Variants in EVC2 observed in about 807,000 individuals in gnomAD.
EVC2 encodes EvC ciliary complex subunit 2.
In EVC2, 148 loss-of-function variants were observed where a neutral mutation model predicts 149.3. That is an observed-to-expected ratio of 0.99 (90% CI 0.87 to 1.14). The LOEUF (loss-of-function observed/expected upper bound fraction) is 1.14. Ranked by LOEUF, EVC2 falls within the 50% of genes most tolerant of loss-of-function variation. The pLI is 0.00. For missense variants in EVC2, 1,854 were observed against 1,627.3 expected, an observed-to-expected ratio of 1.14 and a Z score of -2.40; for synonymous variants, 776 against 649.9, an observed-to-expected ratio of 1.19 and a Z score of -2.95.
At chr4:5,676,076 T>C (rs1311058033) in intron 7 of EVC2, among the ~76,000 whole-genome samples, 2 of 152,212 alleles carry the variant, frequency 1.3e-5, no homozygotes, top group East Asian at 3.8e-4. Flanking sequence ...TCTGTTCTCC[T>C]GGTGCCCGGC....
At chr4:5,533,451 G>A in the EVC2 span, among the ~76,000 whole-genome samples, 1 of 152,186 alleles carries the variant, frequency 6.6e-6, no homozygotes, top group South Asian at 2.1e-4. Context: ...AATGGGTCCA[G>A]TTGGATGGCT....
At position 5,618,877 on chromosome 4, in the gene EVC2, T is replaced by C. The variant is rs565594902; in HGVS notation, c.2502-195A>G. 4.6e-5 allele frequency among the ~76,000 whole-genome samples: 7 copies of C among 152,340 alleles called. No homozygotes were observed. In the East Asian group the frequency reaches 1.2e-3, roughly 25 times the overall value. On this transcript the variant is annotated intron_variant, in intron 14 of 21. Transcript: ENST00000344408. The surrounding 1 kb of genome is among the most constrained non-coding windows in gnomAD (Gnocchi z 4.4). ...ATGTCGTGCTGCATAGGACATTGTATTGGAGCTAGGAATGAGAGCTGAATG... is the reference window on the plus strand; with the variant it reads ...ATGTCGTGCTGCATAGGACATTGTACTGGAGCTAGGAATGAGAGCTGAATG...
At chr4:5,628,523 G>T (rs202074611) in intron 12 of EVC2, 36 bp downstream of exon 12, 1 of 1,612,096 alleles carries the variant, frequency 6.2e-7, no homozygotes, top group Non-Finnish European at 8.5e-7. Flanking sequence ...AACAGACTAA[G>T]ACAGTTCGCA....
chr4:5,565,230 A>G, intron 21 of EVC2, 28 bp downstream of exon 21: 1 of 1,609,426 alleles, frequency 6.2e-7, no homozygotes, highest in Non-Finnish European at 8.5e-7. Context: ...CCCCCTCCCC[A>G]GCCACATGAG....
intron 6 of EVC2, among the ~76,000 whole-genome samples, chr4:5,683,615 G>A (rs958706352): frequency 1.3e-5 from 2 of 152,130 alleles, no homozygotes; most frequent in Non-Finnish European, 2.9e-5. Flanking sequence ...GGGTTCCTAA[G>A]GGGTAGAGTC....
At chr4:5,641,209 C>T (rs1350200863) in intron 9 of EVC2, among the ~76,000 whole-genome samples, 1 of 152,106 alleles carries the variant, frequency 6.6e-6, no homozygotes, top group East Asian at 1.9e-4. Flanking sequence ...AATTTATGGA[C>T]ATGACTAGTA....
Position 5,662,510 on chromosome 4 carries a change from TATA to T in EVC2, c.1145+594_1145+596del, listed in dbSNP as rs1045603468. Among the ~76,000 whole-genome samples, 469 of 142,640 alleles carry T rather than the reference TATA, an allele frequency of 3.3e-3. 3 individuals are homozygous for T. The highest frequency in any genetic ancestry group is 0.011 in the African/African-American group (429 of 39,362). The allele number at this position is 142,640 out of a possible 152,430, so 93.6% of individuals were successfully genotyped here. A position where few individuals can be genotyped will look rare whatever the true frequency, so the allele number is the denominator to read the frequency against. ...TAATATTAATATTAAATATATTAAA[TATA>T]ATATTAATATTAAATATATTAAATA... On this transcript the variant is annotated intron_variant, in intron 9 of 21. Transcript: ENST00000344408.
At chr4:5,540,512 C>A (rs180675537), downstream of EVC2, among the ~76,000 whole-genome samples, 11 of 152,246 alleles carry the variant, frequency 7.2e-5, no homozygotes, top group South Asian at 2.3e-3. Flanking sequence ...TTGATACATG[C>A]GACATGTGGA....
intron 15 of EVC2, among the ~76,000 whole-genome samples, chr4:5,616,991 T>C (rs1302117638): frequency 6.6e-6 from 1 of 152,074 alleles, no homozygotes; most frequent in Non-Finnish European, 1.5e-5. Context: ...AAAATTATTT[T>C]CCCCCATTGT....
chr4:5,550,617 C>G (rs1157226982), intron 21 of EVC2, among the ~76,000 whole-genome samples: 1 of 152,194 alleles, frequency 6.6e-6, no homozygotes, highest in African/African-American at 2.4e-5. Flanking sequence ...AAAAGAAAAT[C>G]CTATCTTCTG....
chr4:5,581,892 T>C (rs115159875), intron 17 of EVC2, among the ~76,000 whole-genome samples: 184 of 152,336 alleles, frequency 1.2e-3, no homozygotes, highest in African/African-American at 4.2e-3. Flanking sequence ...CAGGTGCAGC[T>C]TGGACCACTG....
chr4:5,585,436 ATGTT>A (rs1712189862), intron 16 of EVC2, among the ~76,000 whole-genome samples: 1 of 152,028 alleles, frequency 6.6e-6, no homozygotes, highest in African/African-American at 2.4e-5. Flanking sequence ...TCACTTCTCT[ATGTT>A]TGTTTTGTTC....
intron 16 of EVC2, among the ~76,000 whole-genome samples, chr4:5,601,927 G>A (rs1046666439): frequency 6.6e-6 from 1 of 152,168 alleles, no homozygotes; most frequent in Non-Finnish European, 1.5e-5. Flanking sequence ...GGGATTAACA[G>A]AAGATGTGAC....
intron 15 of EVC2, among the ~76,000 whole-genome samples, chr4:5,617,509 T>C (rs1469537643): frequency 6.6e-6 from 1 of 152,168 alleles, no homozygotes; most frequent in African/African-American, 2.4e-5. Flanking sequence ...TTAGCACCCT[T>C]GAGTGGTGAA....
In EVC2 at chr4:5,673,570, C is replaced by CCA. The variant is rs1719803131; in HGVS notation, c.870+7688_870+7689dup. Among the ~76,000 whole-genome samples the CCA allele has an allele frequency of 2.0e-5, 3 of 152,212 alleles. No individual in the cohort carries two copies. In the South Asian group the frequency reaches 6.2e-4, roughly 32 times the overall value. On this transcript the variant is annotated intron_variant, in intron 7 of 21. Transcript: ENST00000344408. ...AGAGATGGTTATCCCGGCTTCCCCC[C>CCA]CAGAGTCCTCCTCACTTTCCTTCTT... is the stretch of plus-strand genomic sequence containing the variant.
At chr4:5,673,839 G>A (rs1232891601) in intron 7 of EVC2, among the ~76,000 whole-genome samples, 5 of 152,202 alleles carry the variant, frequency 3.3e-5, no homozygotes, top group Non-Finnish European at 7.3e-5. Context: ...ATGGCGAGAT[G>A]TGAACATGTT....
intron 7 of EVC2, among the ~76,000 whole-genome samples, chr4:5,675,707 G>A (rs1719937093): frequency 6.6e-6 from 1 of 152,138 alleles, no homozygotes; most frequent in South Asian, 2.1e-4. Flanking sequence ...CACTTTGGGA[G>A]GCTGAGGTGG....
At chr4:5,601,671 G>A (rs894167187) in intron 16 of EVC2, among the ~76,000 whole-genome samples, 3 of 152,120 alleles carry the variant, frequency 2.0e-5, no homozygotes, top group African/African-American at 7.2e-5. Context: ...GAGTATGAGG[G>A]CAGAATAGAA....
chr4:5,618,380 G>A lies in EVC2; in HGVS notation c.2706+98C>T. 5 of 1,354,260 alleles carry A rather than the reference G, an allele frequency of 3.7e-6. No individual in the cohort carries two copies. Among genetic ancestry groups the A allele is most frequent in the South Asian group, 3.6e-5 (3 of 82,828 alleles). The allele number at this position is 1,354,260 out of a possible 1,614,324, so 83.9% of individuals were successfully genotyped here. On this transcript the variant is annotated intron_variant, in intron 15 of 21. Coordinates refer to ENST00000344408, the MANE Select transcript of EVC2 (RefSeq NM_147127.5). This position sits in a 1 kb window ranked among gnomAD's most constrained non-coding sequence, Gnocchi z 4.4. ...AGGAGAGGATAGGGGAGCATGAGGT[G>A]AGATGGGCTCAGGCTGGGGAAGAGG...
Sources: gnomAD v4.1 joint callset for allele counts (sites outside exome capture counted in the v4.1 genomes callset) on GRCh38, gnomAD v4.1.1 for gene constraint, Gnocchi (gnomAD v3.1) non-coding constraint, MANE v1.5 for transcripts, NCBI Gene and HGNC (gene_info 2026-07-23, HGNC 2026-07-21) for gene names.